The following TMEM178B variants were observed in gnomAD, a reference collection of about 807,000 sequenced individuals.
TMEM178B encodes the protein transmembrane protein 178B.
In TMEM178B, 5 loss-of-function variants were observed where a neutral mutation model predicts 31.0. That is an observed-to-expected ratio of 0.16 (90% confidence interval 0.08 to 0.34). TMEM178B has a LOEUF of 0.34. Ranked by LOEUF, TMEM178B falls within the 10% of genes least tolerant of loss-of-function variation. TMEM178B has a pLI of 1.00. For synonymous variants in TMEM178B, 164 were observed against 164.0 expected (o/e 1.00, Z 0.00); for missense variants, 275 against 400.3 (o/e 0.69, Z 2.67).
intron 1 of TMEM178B, among the ~76,000 whole-genome samples, chr7:141,099,551 G>A (rs1227158583): frequency 2.0e-5 from 3 of 152,140 alleles, no homozygotes; most frequent in Admixed American, 6.5e-5. Flanking sequence ...TCTCAAAGAG[G>A]GATGCAGATC....
At chr7:141,112,988 A>G (rs1795259028) in intron 1 of TMEM178B, among the ~76,000 whole-genome samples, 1 of 152,222 alleles carries the variant, frequency 6.6e-6, no homozygotes, top group African/African-American at 2.4e-5. Context: ...GAGGCAGACC[A>G]CTGGGTATCA....
Position 141,476,731 on chromosome 7 carries a change from C to T in TMEM178B, c.*5945C>T, listed in dbSNP as rs58588454. The T allele has an allele frequency of 0.027, 4,155 of 152,360 alleles. 186 individuals are homozygous for T. Among genetic ancestry groups the T allele is most frequent in the African/African-American group, 0.094 (3,910 of 41,500 alleles). 9.4% of individuals were successfully genotyped at this position (152,360 alleles called of 1,614,324 possible). ...TCCTAGGTTCTAAACAAGAAAAGAACGCCCTTCCCAAAGGGTCCGCACACT... is the reference window on the plus strand; with the variant it reads ...TCCTAGGTTCTAAACAAGAAAAGAATGCCCTTCCCAAAGGGTCCGCACACT... On this transcript the variant is annotated 3_prime_UTR_variant, in exon 4 of 4. Transcript: ENST00000565468.
At chr7:141,353,630 C>A (rs1470226192) in intron 2 of TMEM178B, among the ~76,000 whole-genome samples, 2 of 152,204 alleles carry the variant, frequency 1.3e-5, no homozygotes, top group Non-Finnish European at 2.9e-5. Context: ...TGACTTCAGA[C>A]TTCCATTCCT....
intron 2 of TMEM178B, among the ~76,000 whole-genome samples, chr7:141,407,805 T>C (rs1032969540): frequency 1.3e-5 from 2 of 152,238 alleles, no homozygotes; most frequent in African/African-American, 4.8e-5. Flanking sequence ...AATGAAATTT[T>C]ATCTAGATTT....
chr7:141,147,235 C>T (rs1432552022), intron 1 of TMEM178B, among the ~76,000 whole-genome samples: 2 of 152,082 alleles, frequency 1.3e-5, no homozygotes, highest in Non-Finnish European at 2.9e-5. Flanking sequence ...TTCCCTTTCT[C>T]CTTCCCTTTC....
At chr7:141,379,502 G>A (rs1800277255) in intron 2 of TMEM178B, among the ~76,000 whole-genome samples, 1 of 151,958 alleles carries the variant, frequency 6.6e-6, no homozygotes, top group Non-Finnish European at 1.5e-5. Flanking sequence ...AAAATAAAAT[G>A]TCTAGAGTGC....
chr7:141,138,995 GA>G (rs1032235928), intron 1 of TMEM178B, among the ~76,000 whole-genome samples: 10 of 149,608 alleles, frequency 6.7e-5, no homozygotes, highest in Non-Finnish European at 1.2e-4. Flanking sequence ...AAAAAAAAAA[GA>G]AAAAAAAAGT....
At chr7:141,274,620 G>A (rs750212643) in intron 2 of TMEM178B, among the ~76,000 whole-genome samples, 5 of 152,180 alleles carry the variant, frequency 3.3e-5, no homozygotes, top group Non-Finnish European at 7.3e-5. Flanking sequence ...CCAATCTGCA[G>A]GTCCAAGCTC....
At chr7:141,151,884 G>A (rs1356308082) in intron 1 of TMEM178B, among the ~76,000 whole-genome samples, 1 of 152,194 alleles carries the variant, frequency 6.6e-6, no homozygotes, top group Non-Finnish European at 1.5e-5. Flanking sequence ...GCCACACTGT[G>A]TCCTGTGGGC....
At chr7:141,244,848 A>C (rs918984885) in intron 2 of TMEM178B, among the ~76,000 whole-genome samples, 1 of 152,006 alleles carries the variant, frequency 6.6e-6, no homozygotes. Flanking sequence ...ACAAAGAAGG[A>C]TGCACAGGGC....
the TMEM178B span, among the ~76,000 whole-genome samples, chr7:141,506,414 A>G: frequency 6.6e-6 from 1 of 152,196 alleles, no homozygotes. Context: ...TCATGGCAGG[A>G]GGCAAAAGGC....
chr7:141,093,166 G>A (rs1361850845), intron 1 of TMEM178B, among the ~76,000 whole-genome samples: 5 of 152,058 alleles, frequency 3.3e-5, no homozygotes, highest in African/African-American at 1.2e-4. Context: ...TTATAGAAGG[G>A]CATATATAGA....
intron 2 of TMEM178B, among the ~76,000 whole-genome samples, chr7:141,330,001 C>T (rs1450876237): frequency 2.6e-5 from 4 of 152,164 alleles, no homozygotes; most frequent in Admixed American, 2.6e-4. Context: ...TACACTAGGA[C>T]TGTCACTGCA....
chr7:141,347,850 T>TATTC (rs1438347672), intron 2 of TMEM178B, among the ~76,000 whole-genome samples: 1 of 152,158 alleles, frequency 6.6e-6, no homozygotes, highest in African/African-American at 2.4e-5. Flanking sequence ...AGAAAGTGTG[T>TATTC]GTAATGTAAT....
the TMEM178B span, among the ~76,000 whole-genome samples, chr7:141,509,128 T>C: frequency 4.6e-5 from 7 of 152,202 alleles, no homozygotes; most frequent in Admixed American, 3.9e-4. Flanking sequence ...TTCATAGACA[T>C]GCCATTGTGT....
chr7:141,159,015 A>T (rs918706682), intron 1 of TMEM178B, among the ~76,000 whole-genome samples: 1 of 152,084 alleles, frequency 6.6e-6, no homozygotes, highest in African/African-American at 2.4e-5. Context: ...CTATTTAAAG[A>T]TATTTATATC....
At chr7:141,092,883 G>A (rs2129172481) in intron 1 of TMEM178B, among the ~76,000 whole-genome samples, 1 of 152,278 alleles carries the variant, frequency 6.6e-6, no homozygotes, top group South Asian at 2.1e-4. Flanking sequence ...TAGCTATGGG[G>A]CTCTCTGAGG....
intron 1 of TMEM178B, among the ~76,000 whole-genome samples, chr7:141,083,489 G>GA (rs199563559): frequency 1.5e-5 from 2 of 129,530 alleles, no homozygotes; most frequent in Admixed American, 1.9e-4. Flanking sequence ...GAGGAAGGGA[G>GA]GGAGAGAGAG....
chr7:141,240,996 CTTTT>C (rs11285589), intron 2 of TMEM178B, among the ~76,000 whole-genome samples: 1 of 144,280 alleles, frequency 6.9e-6, no homozygotes. Flanking sequence ...TCTGGGATCC[CTTTT>C]TTTTTTTTTT....
Sources: allele counts gnomAD v4.1 joint callset (sites outside exome capture counted in the v4.1 genomes callset), GRCh38; gene constraint gnomAD v4.1.1; transcripts MANE v1.5; gene names NCBI Gene and HGNC (gene_info 2026-07-23, HGNC 2026-07-21).